The following KATNIP variants were observed in gnomAD, a reference collection of about 807,000 sequenced individuals.
The protein encoded by KATNIP is katanin interacting protein.
A neutral mutation model predicts 174.0 loss-of-function variants in KATNIP; 126 were observed. The observed-to-expected ratio is 0.72, with a 90% CI of 0.63 to 0.84. The LOEUF (loss-of-function observed/expected upper bound fraction) is 0.84, where lower values mean the gene tolerates loss of function less well. Ranked by LOEUF, KATNIP falls within the 40% of genes least tolerant of loss-of-function variation. The pLI, the probability that KATNIP is intolerant of heterozygous loss-of-function variation, is 0.00. For synonymous variants in KATNIP, 810 were observed against 835.7 expected (o/e 0.97, Z 0.53); for missense variants, 1,958 against 2,109.7 (o/e 0.93, Z 1.41).
At chr16:27,704,793 G>A (rs1308657636) in intron 12 of KATNIP, among the ~76,000 whole-genome samples, 1 of 152,072 alleles carries the variant, frequency 6.6e-6, no homozygotes, top group Non-Finnish European at 1.5e-5. Context: ...ACCACACAAA[G>A]ATGTGGCCAT....
intron 18 of KATNIP, among the ~76,000 whole-genome samples, chr16:27,758,055 T>C (rs758333912): frequency 3.9e-5 from 6 of 152,242 alleles, no homozygotes; most frequent in Non-Finnish European, 7.3e-5. Context: ...TGTTGGATAT[T>C]AGCTCGAAAA....
chr16:27,636,499 G>T (rs1389007366), intron 5 of KATNIP, among the ~76,000 whole-genome samples: 1 of 152,192 alleles, frequency 6.6e-6, no homozygotes, highest in Admixed American at 6.5e-5. Context: ...TCCTGGAGCT[G>T]GCTGTGTAAC....
At chr16:27,661,991 TAC>T (rs1491127612) in intron 6 of KATNIP, among the ~76,000 whole-genome samples, 1 of 25,962 alleles carries the variant, frequency 3.9e-5, no homozygotes, top group African/African-American at 2.9e-4. Context: ...TATATACACA[TAC>T]ATATATATAT....
rs778810262 is a variant in KATNIP, at chr16:27,637,588, G to T, written c.408+6426G>T. Among the ~76,000 whole-genome samples the T allele has an allele frequency of 6.6e-6, 1 of 152,160 alleles. No individual in the cohort carries two copies. The highest frequency in any genetic ancestry group is 1.9e-4 in the East Asian group (1 of 5,170). ...CTGAGAGTTACCTGGAGCCAGCCCC[G>T]GAAAGATCTGTGGCTGGGGGAGGCT... On this transcript the variant is annotated intron_variant, in intron 5 of 27. Transcript: ENST00000261588. This position sits in a 1 kb window ranked among gnomAD's most constrained non-coding sequence, Gnocchi z 4.7.
intron 15 of KATNIP, among the ~76,000 whole-genome samples, chr16:27,748,343 C>T (rs1299072897): frequency 2.0e-5 from 3 of 152,204 alleles, no homozygotes; most frequent in Admixed American, 6.5e-5. Context: ...CACTGGGATT[C>T]GCCCAGCTGA....
At chr16:27,665,757 C>A (rs561989933) in intron 6 of KATNIP, among the ~76,000 whole-genome samples, 2 of 151,740 alleles carry the variant, frequency 1.3e-5, no homozygotes, top group East Asian at 3.9e-4. Flanking sequence ...TGTGCCACCA[C>A]GCCCGGCTAA....
At chr16:27,573,191 T>C (rs1321374912) in intron 1 of KATNIP, among the ~76,000 whole-genome samples, 15 of 152,264 alleles carry the variant, frequency 9.9e-5, no homozygotes, top group Admixed American at 7.2e-4. Context: ...AGGAGATACA[T>C]TGACAATAAT....
chr16:27,606,402 T>G (rs2075705687), intron 2 of KATNIP, among the ~76,000 whole-genome samples: 1 of 152,040 alleles, frequency 6.6e-6, no homozygotes, highest in African/African-American at 2.4e-5. Context: ...TGGCAGGAAC[T>G]TTGGATTCAG....
chr16:27,591,954 C>T (rs1417202142), intron 2 of KATNIP, among the ~76,000 whole-genome samples: 1 of 152,160 alleles, frequency 6.6e-6, no homozygotes, highest in Non-Finnish European at 1.5e-5. Flanking sequence ...CCTGAAGAAA[C>T]TGATCTGAAC....
Position 27,750,124 on chromosome 16 carries a change from G to A in KATNIP, c.3164G>A (p.Gly1055Asp), listed in dbSNP as rs193278766. 6 of 1,614,158 alleles carry A rather than the reference G, an allele frequency of 3.7e-6. No individual in the cohort carries two copies. The South Asian group carries it at 4.4e-5, about 12-fold the overall frequency. Residue 1055 changes from glycine (G) to aspartate (D), a missense_variant, in exon 16 of 28, where the codon GGC becomes GAC. Gly to Asp is a moderately conservative substitution (Grantham distance 94, BLOSUM62 -1). Around this residue, in one of 3 missense-constraint regions of KATNIP, gnomAD observed 1,557 missense variants for 1,617.8 expected, o/e 0.96. Transcript: ENST00000261588. The part of the protein sequence containing the change: ...MHVWLAPFTR[G>D]RSHSITIDFT... ...GTCTGGCTGGCCCCCTTCACGCGGGGCAGATCCCACTCCATCACCATTGAC... is the reference window on the plus strand; with the variant it reads ...GTCTGGCTGGCCCCCTTCACGCGGGACAGATCCCACTCCATCACCATTGAC...
chr16:27,712,946 C>T (rs1223447030), intron 13 of KATNIP, among the ~76,000 whole-genome samples: 1 of 152,148 alleles, frequency 6.6e-6, no homozygotes, highest in South Asian at 2.1e-4. Context: ...GCTGGAACTA[C>T]AGGCACACAC....
chr16:27,650,470 T>C (rs1322955263), intron 6 of KATNIP, among the ~76,000 whole-genome samples: 1 of 152,228 alleles, frequency 6.6e-6, no homozygotes, highest in Non-Finnish European at 1.5e-5. Flanking sequence ...AGGTGGTAGG[T>C]CAAAGTCAAG....
intron 5 of KATNIP, among the ~76,000 whole-genome samples, chr16:27,636,151 C>T (rs2076630077): frequency 1.3e-5 from 2 of 152,178 alleles, no homozygotes; most frequent in Non-Finnish European, 2.9e-5. Flanking sequence ...AAGACCCTAT[C>T]TCAAAATCAA....
intron 4 of KATNIP, among the ~76,000 whole-genome samples, chr16:27,630,583 C>T (rs2076456330): frequency 6.6e-6 from 1 of 152,308 alleles, no homozygotes; most frequent in African/African-American, 2.4e-5. Context: ...CCTGCTGCTG[C>T]TAGTAAGGAG....
chr16:27,741,745 A>G (rs2081116520), intron 15 of KATNIP, among the ~76,000 whole-genome samples: 2 of 152,280 alleles, frequency 1.3e-5, no homozygotes, highest in South Asian at 2.1e-4. Context: ...TCTACTAAAA[A>G]TACAAAAATT....
intron 6 of KATNIP, among the ~76,000 whole-genome samples, chr16:27,671,784 A>G (rs150974308): frequency 0.023 from 3,432 of 152,294 alleles, 147 homozygotes; most frequent in African/African-American, 0.079. Flanking sequence ...GGCCAGGCGC[A>G]GTGGCTCGCG....
chr16:27,608,399 C>CTTTTTTTT (rs11374534), intron 2 of KATNIP, among the ~76,000 whole-genome samples: 23 of 97,546 alleles, frequency 2.4e-4, no homozygotes, highest in East Asian at 3.3e-4. Context: ...ACTGGTGAAT[C>CTTTTTTTT]TTTTTTTTTT....
chr16:27,588,336 T>C (rs2090979994), intron 2 of KATNIP, among the ~76,000 whole-genome samples: 2 of 152,146 alleles, frequency 1.3e-5, no homozygotes, highest in Admixed American at 1.3e-4. Context: ...AAGTGTATAG[T>C]TTTATGAATT....
chr16:27,759,417 A>G (rs2081868188), intron 18 of KATNIP, among the ~76,000 whole-genome samples: 1 of 152,256 alleles, frequency 6.6e-6, no homozygotes, highest in South Asian at 2.1e-4. Context: ...GGAATGTGTC[A>G]GCTAGCTTTT....
Sources: gnomAD v4.1 joint callset for allele counts (sites outside exome capture counted in the v4.1 genomes callset) on GRCh38, gnomAD v4.1.1 for gene constraint, gnomAD v4.1.1 regional missense constraint, Gnocchi (gnomAD v3.1) non-coding constraint, MANE v1.5 for transcripts, NCBI Gene and HGNC (gene_info 2026-07-23, HGNC 2026-07-21) for gene names.